The following DENND1A variants were observed in gnomAD, a reference collection of about 807,000 sequenced individuals.
DENND1A encodes the protein DENN domain-containing protein 1A.
A neutral mutation model predicts 113.7 loss-of-function variants in DENND1A; 51 were observed. The observed-to-expected ratio is 0.45, with a 90% CI of 0.36 to 0.57. The LOEUF (loss-of-function observed/expected upper bound fraction) is 0.57, where lower values mean the gene tolerates loss of function less well. DENND1A is among the 20% of genes least tolerant of loss of function. DENND1A has a pLI of 0.00. For missense variants in DENND1A, 1,258 were observed against 1,395.9 expected (o/e 0.90, Z 1.57); for synonymous variants, 565 against 570.8 (o/e 0.99, Z 0.14).
At chr9:123,744,166 C>CTTAATT (rs2069267676) in intron 5 of DENND1A, among the ~76,000 whole-genome samples, 2 of 152,282 alleles carry the variant, frequency 1.3e-5, no homozygotes. Flanking sequence ...TAAAAACACC[C>CTTAATT]ATGATAACAT....
At chr9:123,449,344 G>T (rs573162740) in intron 18 of DENND1A, among the ~76,000 whole-genome samples, 1 of 152,110 alleles carries the variant, frequency 6.6e-6, no homozygotes, top group Non-Finnish European at 1.5e-5. Flanking sequence ...AGACCATCCT[G>T]GCCAACATGG....
At chr9:123,716,277 T>C (rs1024120413) in intron 5 of DENND1A, among the ~76,000 whole-genome samples, 2 of 152,138 alleles carry the variant, frequency 1.3e-5, no homozygotes, top group Non-Finnish European at 2.9e-5. Context: ...AAGTAGAGAG[T>C]AGACCCATGC....
chr9:123,465,308 A>ATTTTTTTTT (rs60428558), intron 13 of DENND1A, among the ~76,000 whole-genome samples: 1 of 80,118 alleles, frequency 1.2e-5, no homozygotes, highest in African/African-American at 4.7e-5. Context: ...TTTGTCTTTG[A>ATTTTTTTTT]TTTTTTTTTT....
intron 5 of DENND1A, among the ~76,000 whole-genome samples, chr9:123,743,415 T>TA (rs1370134237): frequency 2.7e-5 from 4 of 149,046 alleles, no homozygotes; most frequent in Non-Finnish European, 5.9e-5. Flanking sequence ...GATAAATAAA[T>TA]AAATAAATAA....
chr9:123,848,083 T>C (rs755993413), intron 2 of DENND1A, among the ~76,000 whole-genome samples: 1 of 151,972 alleles, frequency 6.6e-6, no homozygotes, highest in Non-Finnish European at 1.5e-5. Context: ...GGGGAATGAT[T>C]AAAGTCAAAA....
chr9:123,529,119 C>T (rs1193476943), intron 13 of DENND1A, among the ~76,000 whole-genome samples: 1 of 152,052 alleles, frequency 6.6e-6, no homozygotes, highest in African/African-American at 2.4e-5. Context: ...TAACATATGA[C>T]CAATGCAATA....
At chr9:123,887,617 G>A (rs111813840) in intron 1 of DENND1A, among the ~76,000 whole-genome samples, 173 of 151,838 alleles carry the variant, frequency 1.1e-3, no homozygotes, top group African/African-American at 4.0e-3. Context: ...AAGCAGGCAT[G>A]AGGAGATCGT....
chr9:123,728,271 A>G (rs938334489), intron 5 of DENND1A, among the ~76,000 whole-genome samples: 1 of 152,042 alleles, frequency 6.6e-6, no homozygotes, highest in East Asian at 1.9e-4. Flanking sequence ...TGAGGTCAGG[A>G]GTGAGAGACT....
At position 123,769,506 on chromosome 9, in the gene DENND1A, G is replaced by A. The variant is rs1223132307; in HGVS notation, c.182+8C>T. 1 of 1,601,144 alleles carries A rather than the reference G, an allele frequency of 6.2e-7. No individual in the cohort carries two copies. Among genetic ancestry groups the A allele is most frequent in the South Asian group, 1.1e-5 (1 of 88,416 alleles). ...TTTTTCTAGTAAAGTTTGAAAATCT[G>A]ACACTACCTGTCCACATAGAAGGGG... On this transcript the variant is annotated splice_region_variant and intron_variant, in intron 4 of 23. Coordinates refer to ENST00000394215, the MANE Select transcript of DENND1A (RefSeq NM_001352964.2).
intron 5 of DENND1A, among the ~76,000 whole-genome samples, chr9:123,752,888 C>T (rs2070184836): frequency 6.6e-6 from 1 of 152,178 alleles, no homozygotes; most frequent in Admixed American, 6.5e-5. Context: ...TACTGTTCTC[C>T]TAGCTGGTGT....
chr9:123,813,137 T>C (rs1836903723), intron 2 of DENND1A, among the ~76,000 whole-genome samples: 1 of 152,014 alleles, frequency 6.6e-6, no homozygotes, highest in South Asian at 2.1e-4. Flanking sequence ...AATTTTTTGG[T>C]TTTCTGTAGA....
chr9:123,885,009 A>G lies in DENND1A; in HGVS notation c.18-5988T>C, dbSNP rs945809438. On this transcript the variant is annotated intron_variant, in intron 1 of 23. Transcript: ENST00000394215. ...TGCGAGCGCGCGCGCACACACACACACACACACACACACACACACACTCAC... is the reference window on the plus strand; with the variant it reads ...TGCGAGCGCGCGCGCACACACACACGCACACACACACACACACACACTCAC... 4.9e-3 allele frequency among the ~76,000 whole-genome samples: 738 copies of G among 149,168 alleles called. 4 individuals are homozygous for G. Among genetic ancestry groups the G allele is most frequent in the Middle Eastern group, 0.027 (8 of 292 alleles).
intron 13 of DENND1A, among the ~76,000 whole-genome samples, chr9:123,495,613 G>C (rs1280502729): frequency 6.6e-6 from 1 of 152,192 alleles, no homozygotes; most frequent in East Asian, 1.9e-4. Flanking sequence ...CGATCAATAT[G>C]AAGCAAGTGA....
At chr9:123,689,639 T>A (rs1274849825) in intron 5 of DENND1A, among the ~76,000 whole-genome samples, 2 of 152,158 alleles carry the variant, frequency 1.3e-5, no homozygotes, top group Non-Finnish European at 2.9e-5. Context: ...TTAGATTATT[T>A]TTAATCATAT....
intron 5 of DENND1A, among the ~76,000 whole-genome samples, chr9:123,732,253 CA>C (rs1218689663): frequency 2.6e-5 from 4 of 152,330 alleles, no homozygotes; most frequent in Non-Finnish European, 4.4e-5. Context: ...ATGTTTGTAA[CA>C]GTTTTATTCA....
chr9:123,493,589 T>C (rs2051581778), intron 13 of DENND1A, among the ~76,000 whole-genome samples: 1 of 152,180 alleles, frequency 6.6e-6, no homozygotes, highest in Admixed American at 6.5e-5. Flanking sequence ...GAGTGTCCGT[T>C]ACAGGGAGTC....
At chr9:123,677,793 A>G (rs1399041595) in intron 5 of DENND1A, among the ~76,000 whole-genome samples, 1 of 152,194 alleles carries the variant, frequency 6.6e-6, no homozygotes, top group Admixed American at 6.5e-5. Context: ...AATTGCTGCA[A>G]TGATGTCCGT....
chr9:123,774,334 A>C (rs1222483765), intron 3 of DENND1A, among the ~76,000 whole-genome samples: 1 of 152,210 alleles, frequency 6.6e-6, no homozygotes, highest in African/African-American at 2.4e-5. Context: ...AAGCCATTTC[A>C]AGTTAAAACC....
In DENND1A at chr9:123,381,280, C is replaced by T. The variant is rs1665437639; in HGVS notation, c.*152G>A. On this transcript the variant is annotated 3_prime_UTR_variant, in exon 24 of 24. Coordinates refer to ENST00000394215, the MANE Select transcript of DENND1A (RefSeq NM_001352964.2). This position sits in a 1 kb window ranked among gnomAD's most constrained non-coding sequence, Gnocchi z 4.7. The stretch of plus-strand genomic sequence containing the variant: ...CCCAGGGCCAGACATCAGAGATGGG[C>T]AGTGTGGAGGGGAGGAGGGGGCAGC... The T allele has an allele frequency of 2.9e-6, 2 of 700,064 alleles. No homozygotes were observed. The highest frequency in any genetic ancestry group is 3.9e-4 in the Middle Eastern group (1 of 2,548). The allele number at this position is 700,064 out of a possible 1,614,324, so 43.4% of individuals were successfully genotyped here.
Sources: allele counts gnomAD v4.1 joint callset (sites outside exome capture counted in the v4.1 genomes callset), GRCh38; gene constraint gnomAD v4.1.1; non-coding constraint Gnocchi (gnomAD v3.1); transcripts MANE v1.5; gene names NCBI Gene and HGNC (gene_info 2026-07-23, HGNC 2026-07-21).